ARHGEF4: variants seen among roughly 807,000 people sequenced by gnomAD.
The protein encoded by ARHGEF4 is Rho guanine nucleotide exchange factor 4.
In ARHGEF4, 119 loss-of-function variants were observed where a neutral mutation model predicts 162.0. The observed-to-expected ratio is 0.73, with a 90% CI of 0.63 to 0.86. The LOEUF (loss-of-function observed/expected upper bound fraction) is 0.86. ARHGEF4 is among the 40% of genes least tolerant of loss of function. The pLI is 0.00. For missense variants in ARHGEF4, 2,488 were observed against 2,456.0 expected (o/e 1.01, Z -0.28); for synonymous variants, 1,014 against 979.9 (o/e 1.03, Z -0.65).
intron 4 of ARHGEF4, among the ~76,000 whole-genome samples, chr2:131,022,225 G>A (rs1689178850): frequency 6.6e-6 from 1 of 152,110 alleles, no homozygotes; most frequent in African/African-American, 2.4e-5. Context: ...AAGAATTGGT[G>A]TTGATTATAC....
chr2:131,015,356 G>A (rs576378091), intron 4 of ARHGEF4, among the ~76,000 whole-genome samples: 1 of 152,246 alleles, frequency 6.6e-6, no homozygotes, highest in South Asian at 2.1e-4. Flanking sequence ...TGTAGTATTG[G>A]ATCCTGAAAC....
chr2:130,848,127 G>A (rs1681126629), intron 1 of ARHGEF4, among the ~76,000 whole-genome samples: 1 of 152,192 alleles, frequency 6.6e-6, no homozygotes, highest in Non-Finnish European at 1.5e-5. Context: ...CAGGGTGGGA[G>A]CAGGCCATCT....
At chr2:130,967,404 C>T (rs1685076324) in intron 4 of ARHGEF4, among the ~76,000 whole-genome samples, 1 of 152,220 alleles carries the variant, frequency 6.6e-6, no homozygotes, top group Non-Finnish European at 1.5e-5. Context: ...TGGTACTCAG[C>T]TGAAGCTTTC....
At chr2:130,850,656 G>A (rs1215339267) in intron 1 of ARHGEF4, among the ~76,000 whole-genome samples, 4 of 152,214 alleles carry the variant, frequency 2.6e-5, no homozygotes. Flanking sequence ...CCAAGCAGGG[G>A]TGCAGTGGGC....
In ARHGEF4 at chr2:130,916,324, C is replaced by T; in HGVS notation, c.2378C>T (p.Thr793Met). The T allele has an allele frequency of 1.9e-6, 3 of 1,542,854 alleles. No individual in the cohort carries two copies. The highest frequency in any genetic ancestry group is 1.4e-5 in the African/African-American group (1 of 72,282). The stretch of plus-strand genomic sequence containing the variant: ...GCGCAGGAGCCTGGGAAGCGCCCGA[C>T]GTTTTCCAAGGTGACCTCCTTCAGG... ...KGAQEPGKRP[T>M]FSKVTSFRKG... is the part of the protein sequence containing the mutation. Residue 793 changes from threonine to methionine, a missense_variant, in exon 2 of 14, where the codon ACG (threonine) becomes ATG (methionine). Thr to Met is a moderately conservative substitution (Grantham distance 81). Coordinates refer to ENST00000409359, the MANE Select transcript of ARHGEF4 (RefSeq NM_001367493.1).
chr2:130,918,024 G>A (rs913607421), intron 2 of ARHGEF4, among the ~76,000 whole-genome samples: 1 of 151,670 alleles, frequency 6.6e-6, no homozygotes, highest in African/African-American at 2.4e-5. Context: ...GTTTCACCAT[G>A]TTGGCCAGGC....
chr2:131,034,447 TGCTGCTCG>T (rs1690083636), intron 5 of ARHGEF4, among the ~76,000 whole-genome samples: 1 of 152,158 alleles, frequency 6.6e-6, no homozygotes, highest in Non-Finnish European at 1.5e-5. Flanking sequence ...AGGAACACAA[TGCTGCTCG>T]GACGCTGCGG....
chr2:131,012,259 T>C (rs935956330), intron 4 of ARHGEF4, among the ~76,000 whole-genome samples: 1 of 152,018 alleles, frequency 6.6e-6, no homozygotes, highest in African/African-American at 2.4e-5. Context: ...GGGAGCAGTT[T>C]TCCCCTCCAA....
At chr2:131,016,183 GC>G (rs1354289189) in intron 4 of ARHGEF4, among the ~76,000 whole-genome samples, 1 of 152,046 alleles carries the variant, frequency 6.6e-6, no homozygotes, top group Non-Finnish European at 1.5e-5. Flanking sequence ...CTCCCAACGT[GC>G]CCCACCAGGA....
chr2:130,961,625 A>G (rs1684626491), intron 4 of ARHGEF4, among the ~76,000 whole-genome samples: 1 of 152,182 alleles, frequency 6.6e-6, no homozygotes, highest in African/African-American at 2.4e-5. Context: ...ATTTATGTGT[A>G]TTTTAGAGCT....
intron 4 of ARHGEF4, among the ~76,000 whole-genome samples, chr2:131,021,325 C>A (rs1455130256): frequency 1.3e-5 from 2 of 152,012 alleles, no homozygotes; most frequent in African/African-American, 4.8e-5. Flanking sequence ...AAATAATGCC[C>A]CATATCTACA....
intron 4 of ARHGEF4, among the ~76,000 whole-genome samples, chr2:130,992,418 C>T (rs540658370): frequency 6.6e-6 from 1 of 152,020 alleles, no homozygotes; most frequent in East Asian, 1.9e-4. Flanking sequence ...AGCTTCACTC[C>T]TGAAGCCAGC....
At chr2:130,974,764 T>G (rs1041816752) in intron 4 of ARHGEF4, among the ~76,000 whole-genome samples, 1 of 152,038 alleles carries the variant, frequency 6.6e-6, no homozygotes, top group African/African-American at 2.4e-5. Context: ...ACCCGGCAAC[T>G]TTTTTGAGTA....
At chr2:131,036,642 G>A (rs1372967818) in intron 5 of ARHGEF4, among the ~76,000 whole-genome samples, 2 of 152,198 alleles carry the variant, frequency 1.3e-5, no homozygotes, top group Non-Finnish European at 2.9e-5. Context: ...AGGGGAATGG[G>A]GGCACCAGGC....
At chr2:130,857,210 C>T (rs1010435859) in intron 1 of ARHGEF4, among the ~76,000 whole-genome samples, 1 of 151,186 alleles carries the variant, frequency 6.6e-6, no homozygotes, top group Admixed American at 6.6e-5. Context: ...CCAGCCTGGG[C>T]GACAGAGCGA....
chr2:131,045,741 GGAT>G, intron 13 of ARHGEF4: 2 of 1,432,178 alleles, frequency 1.4e-6, no homozygotes, highest in Non-Finnish European at 1.8e-6. Context: ...GTTGGTGTAG[GGAT>G]GGAGCTGCTT....
At chr2:130,970,591 A>C (rs1685295281) in intron 4 of ARHGEF4, among the ~76,000 whole-genome samples, 1 of 6,848 alleles carries the variant, frequency 1.5e-4, no homozygotes, top group Non-Finnish European at 6.3e-4. Flanking sequence ...CTCCATCAAA[A>C]AAAAAAAAAA....
At chr2:130,950,686 A>ACCCCCCCC (rs141201333) in intron 4 of ARHGEF4, among the ~76,000 whole-genome samples, 8 of 142,290 alleles carry the variant, frequency 5.6e-5, no homozygotes, top group Non-Finnish European at 1.1e-4. Context: ...TTTAGCTATT[A>ACCCCCCCC]CCCCCCACCA....
intron 4 of ARHGEF4, among the ~76,000 whole-genome samples, chr2:130,961,800 C>T (rs1424558734): frequency 6.6e-6 from 1 of 152,088 alleles, no homozygotes; most frequent in Non-Finnish European, 1.5e-5. Context: ...TGGCAGTGGC[C>T]ATCCCTTCCC....
Sources: allele counts gnomAD v4.1 joint callset (sites outside exome capture counted in the v4.1 genomes callset), GRCh38; gene constraint gnomAD v4.1.1; transcripts MANE v1.5; gene names NCBI Gene and HGNC (gene_info 2026-07-23, HGNC 2026-07-21).